The following QKI variants were observed in gnomAD, a reference collection of about 807,000 sequenced individuals.
QKI encodes QKI, KH domain containing RNA binding, also known as KH domain-containing RNA-binding protein QKI.
A neutral mutation model predicts 39.0 loss-of-function variants in QKI; 10 were observed. The observed-to-expected ratio is 0.26, with a 90% CI of 0.16 to 0.43. QKI has a LOEUF of 0.43. QKI is among the 20% of genes least tolerant of loss of function. QKI has a pLI of 1.00. For synonymous variants in QKI, 204 were observed against 155.4 expected (o/e 1.31, Z -2.33); for missense variants, 218 against 428.0 (o/e 0.51, Z 4.33).
intron 2 of QKI, among the ~76,000 whole-genome samples, chr6:163,466,869 TAAAC>T (rs1791799161): frequency 6.6e-6 from 1 of 151,774 alleles, no homozygotes; most frequent in Non-Finnish European, 1.5e-5. Context: ...AAAGCAAAAA[TAAAC>T]AGGACTACAT....
At chr6:163,451,507 A>G (rs1291265219) in intron 1 of QKI, among the ~76,000 whole-genome samples, 1 of 152,236 alleles carries the variant, frequency 6.6e-6, no homozygotes, top group Non-Finnish European at 1.5e-5. Context: ...GTTGTGGCCA[A>G]TGGTAGAAAT....
rs537788540 is a variant in QKI at position 163,452,225 on chromosome 6, C to G, written c.143-3054C>G. ...TGCTGATGATTTTCTACTTTTTTCC[C>G]CTGTTTATAAAGGTAGTACATAGTT... On this transcript the variant is annotated intron_variant, in intron 1 of 7. Transcript: ENST00000361752. Among the ~76,000 whole-genome samples the G allele has an allele frequency of 1.3e-3, 197 of 152,124 alleles. 1 individual carries two copies. Among genetic ancestry groups the G allele is most frequent in the African/African-American group, 4.6e-3 (191 of 41,498 alleles).
At chr6:163,444,112 A>G (rs1228302376) in intron 1 of QKI, among the ~76,000 whole-genome samples, 1 of 152,202 alleles carries the variant, frequency 6.6e-6, no homozygotes, top group African/African-American at 2.4e-5. Context: ...ATTTTAGAAT[A>G]TATAGTTCTG....
intron 1 of QKI, among the ~76,000 whole-genome samples, chr6:163,440,759 A>G (rs1366739274): frequency 6.6e-6 from 1 of 152,220 alleles, no homozygotes; most frequent in Non-Finnish European, 1.5e-5. Context: ...GTATTTGCAC[A>G]TGACTATATT....
At chr6:163,532,316 A>G (rs1474355060) in intron 3 of QKI, among the ~76,000 whole-genome samples, 1 of 152,198 alleles carries the variant, frequency 6.6e-6, no homozygotes, top group Non-Finnish European at 1.5e-5. Flanking sequence ...GTCTATTTAT[A>G]ATAACATCTG....
rs1562566872 is a variant in QKI, at chr6:163,577,529, C to CT, written c.*6820dup. ...TTAACATAGTAGGCACCAGCTGAAACTGAGTAATTAAACGGTCCCCTGAAG... is the reference window on the plus strand; with the variant it reads ...TTAACATAGTAGGCACCAGCTGAAACTTGAGTAATTAAACGGTCCCCTGAAG... On this transcript the variant is annotated 3_prime_UTR_variant, in exon 8 of 8. Coordinates refer to ENST00000361752, the MANE Select transcript of QKI (RefSeq NM_006775.3). 1 of 152,388 alleles carries CT rather than the reference C, an allele frequency of 6.6e-6. No homozygotes were observed. The highest frequency in any genetic ancestry group is 1.5e-5 in the Non-Finnish European group (1 of 68,042). 9.4% of individuals were successfully genotyped at this position (152,388 alleles called of 1,614,324 possible). A position where few individuals can be genotyped will look rare whatever the true frequency, so the allele number is the denominator to read the frequency against.
chr6:163,563,991 G>C, intron 6 of QKI: 1 of 1,284,928 alleles, frequency 7.8e-7, no homozygotes, highest in East Asian at 3.1e-5. Flanking sequence ...TTTTACATTT[G>C]ACATTACTGA....
Position 163,492,350 on chromosome 6 carries a change from A to G in QKI, c.402+13454A>G, listed in dbSNP as rs566555285. 7.2e-5 allele frequency among the ~76,000 whole-genome samples: 11 copies of G among 152,290 alleles called. No homozygotes were observed. In the East Asian group the frequency reaches 2.1e-3, roughly 29 times the overall value. ...TTAGATTTTAAAACATGTAATTGTT[A>G]ACTCTCGATTTTAAATACCTATAAT... On this transcript the variant is annotated intron_variant, in intron 3 of 7. Coordinates refer to ENST00000361752, the MANE Select transcript of QKI (RefSeq NM_006775.3).
intron 6 of QKI, chr6:163,564,963 G>T (rs1783261901): frequency 7.7e-7 from 1 of 1,296,940 alleles, no homozygotes; most frequent in South Asian, 2.4e-5. Context: ...AGAACACTAA[G>T]ATTTAAACTC....
At chr6:163,420,657 A>T (rs1335375281) in intron 1 of QKI, among the ~76,000 whole-genome samples, 2 of 152,132 alleles carry the variant, frequency 1.3e-5, no homozygotes, top group African/African-American at 4.8e-5. Context: ...AAGTGCAATA[A>T]TGTGTTGTTT....
intron 4 of QKI, among the ~76,000 whole-genome samples, chr6:163,557,685 C>T (rs1782720214): frequency 6.6e-6 from 1 of 151,994 alleles, no homozygotes; most frequent in Middle Eastern, 3.4e-3. Context: ...GTTTATAATA[C>T]AAAGAAAGGA....
chr6:163,533,643 C>T (rs1251730656), intron 3 of QKI, among the ~76,000 whole-genome samples: 3 of 152,080 alleles, frequency 2.0e-5, no homozygotes, highest in Admixed American at 6.5e-5. Flanking sequence ...TGTAATGTGA[C>T]CTTATGTTGA....
At chr6:163,531,465 C>G (rs1780846166) in intron 3 of QKI, among the ~76,000 whole-genome samples, 1 of 152,194 alleles carries the variant, frequency 6.6e-6, no homozygotes, top group Admixed American at 6.5e-5. Context: ...AATGAGAGTT[C>G]ATCTAGTCCT....
Position 163,479,856 on chromosome 6 carries a change from A to T in QKI, c.402+960A>T, listed in dbSNP as rs547183538. Among the ~76,000 whole-genome samples, 5 of 152,348 alleles carry T rather than the reference A, an allele frequency of 3.3e-5. No homozygotes were observed. The East Asian group carries it at 9.6e-4, about 29-fold the overall frequency. On this transcript the variant is annotated intron_variant, in intron 3 of 7. Transcript: ENST00000361752. ...TTCTTTTGATGAGATTTAAATAAGA[A>T]TGGTCAAATAACTTTGGATGTATGT... is the stretch of plus-strand genomic sequence containing the variant.
intron 3 of QKI, among the ~76,000 whole-genome samples, chr6:163,532,256 T>C (rs1017428202): frequency 7.9e-5 from 12 of 152,256 alleles, no homozygotes; most frequent in Non-Finnish European, 1.5e-4. Flanking sequence ...TGTATTAGTA[T>C]CTATATGCAT....
chr6:163,545,147 G>A (rs1005593893), intron 4 of QKI, among the ~76,000 whole-genome samples: 1 of 152,100 alleles, frequency 6.6e-6, no homozygotes, highest in African/African-American at 2.4e-5. Context: ...TCATGGGTAT[G>A]TGCTGCTTTG....
At chr6:163,469,790 A>G (rs866018212) in intron 2 of QKI, among the ~76,000 whole-genome samples, 6 of 152,186 alleles carry the variant, frequency 3.9e-5, no homozygotes, top group African/African-American at 7.2e-5. Flanking sequence ...TGTAGAAAAA[A>G]GTAGGAAGAG....
chr6:163,450,203 G>A (rs915282170), intron 1 of QKI, among the ~76,000 whole-genome samples: 1 of 152,008 alleles, frequency 6.6e-6, no homozygotes, highest in African/African-American at 2.4e-5. Context: ...GATGACAGGT[G>A]CCTGCCACCA....
intron 3 of QKI, among the ~76,000 whole-genome samples, chr6:163,486,166 T>G (rs1313867351): frequency 2.0e-5 from 3 of 152,202 alleles, no homozygotes; most frequent in African/African-American, 7.2e-5. Flanking sequence ...AGAAGTGTAG[T>G]AACCCACCCA....
Sources: allele counts gnomAD v4.1 joint callset (sites outside exome capture counted in the v4.1 genomes callset), GRCh38; gene constraint gnomAD v4.1.1; transcripts MANE v1.5; gene names NCBI Gene and HGNC (gene_info 2026-07-23, HGNC 2026-07-21).